KDELR3: variants seen among roughly 807,000 people sequenced by gnomAD.
The protein encoded by KDELR3 is KDEL endoplasmic reticulum protein retention receptor 3, also known as ER lumen protein-retaining receptor 3.
Under a neutral mutation model 22.7 loss-of-function variants are expected in KDELR3, and 26 were observed. That is an observed-to-expected ratio of 1.15 (90% CI 0.84 to 1.59). The LOEUF (loss-of-function observed/expected upper bound fraction) is 1.59, where lower values mean the gene tolerates loss of function less well. KDELR3 is among the 40% of genes most tolerant of loss of function. KDELR3 has a pLI of 0.00. For synonymous variants in KDELR3, 120 were observed against 98.2 expected, an observed-to-expected ratio of 1.22 and a Z score of -1.31; for missense variants, 289 against 251.1, an observed-to-expected ratio of 1.15 and a Z score of -1.02.
intron 4 of KDELR3, chr22:38,481,668 A>G (rs1003714539): frequency 7.1e-7 from 1 of 1,409,586 alleles, no homozygotes; most frequent in African/African-American, 1.4e-5. Flanking sequence ...GTACTATGCA[A>G]GACAGCTGTG....
intron 2 of KDELR3, among the ~76,000 whole-genome samples, chr22:38,477,396 G>A (rs1433242241): frequency 1.3e-5 from 2 of 150,636 alleles, no homozygotes; most frequent in Non-Finnish European, 2.9e-5. Flanking sequence ...GTAGAGACGG[G>A]GTTTCACTAT....
At chr22:38,472,000 T>C (rs1234973707) in intron 1 of KDELR3, among the ~76,000 whole-genome samples, 1 of 151,406 alleles carries the variant, frequency 6.6e-6, no homozygotes, top group Non-Finnish European at 1.5e-5. Context: ...CCACCCCAAA[T>C]GTCTGGAACC....
In KDELR3 at chr22:38,479,592, G is replaced by T. The variant is rs368527543; in HGVS notation, c.193-1G>T. 1.2e-6 allele frequency: 2 copies of T among 1,611,672 alleles called. No homozygotes were observed. The highest frequency in any genetic ancestry group is 2.2e-5 in the South Asian group (2 of 91,048). Reference sequence around the variant, plus strand: ...ATTCCCATGTCTCTCTCCCCTTTTAGGTGGTTTTTCTCCTCTGTGCCTATG... The same window carrying T: ...ATTCCCATGTCTCTCTCCCCTTTTATGTGGTTTTTCTCCTCTGTGCCTATG... On this transcript the variant is annotated splice_acceptor_variant, in intron 2 of 4. Transcript: ENST00000216014. LOFTEE classifies it high-confidence loss of function.
At chr22:38,474,476 C>G (rs1310759457) in intron 1 of KDELR3, 47 bp from the exon 2 acceptor site, 2 of 1,500,518 alleles carry the variant, frequency 1.3e-6, no homozygotes, top group Non-Finnish European at 1.9e-6. Flanking sequence ...GGTGGGCAGG[C>G]TTGGGAGTCT....
At chr22:38,481,172 T>C in intron 3 of KDELR3, 40 bp from the exon 4 acceptor site, 1 of 1,547,318 alleles carries the variant, frequency 6.5e-7, no homozygotes, top group Non-Finnish European at 8.8e-7. Flanking sequence ...GGCCTCTTCT[T>C]GGTCTTGCTC....
intron 1 of KDELR3, among the ~76,000 whole-genome samples, chr22:38,472,446 CA>C (rs771619700): frequency 2.6e-5 from 4 of 151,948 alleles, no homozygotes; most frequent in Non-Finnish European, 5.9e-5. Context: ...CACTGCACTC[CA>C]GCCTGGGTGA....
chr22:38,469,966 C>T (rs930101166), intron 1 of KDELR3, among the ~76,000 whole-genome samples: 24 of 151,740 alleles, frequency 1.6e-4, no homozygotes, highest in African/African-American at 4.8e-4. Context: ...ATTACAGGCA[C>T]GCACCACCAC....
intron 1 of KDELR3, 113 bp downstream of exon 1, chr22:38,468,437 G>A (rs1407653373): frequency 1.8e-5 from 15 of 814,548 alleles, no homozygotes; most frequent in Middle Eastern, 2.7e-4. Flanking sequence ...TCCGGCGTGG[G>A]GGTCCTTGAA....
chr22:38,481,767 T>C, intron 4 of KDELR3: 2 of 765,518 alleles, frequency 2.6e-6, no homozygotes, highest in Admixed American at 4.7e-5. Flanking sequence ...CTTGGTGTGA[T>C]GGACAAAAAG....
chr22:38,471,432 A>T (rs2089524201), intron 1 of KDELR3, among the ~76,000 whole-genome samples: 1 of 152,122 alleles, frequency 6.6e-6, no homozygotes. Context: ...AGTGGGGTTC[A>T]TTACCCACTG....
chr22:38,474,518 C>T lies in KDELR3; in HGVS notation c.92-5C>T. 1 of 1,612,500 alleles carries T rather than the reference C, an allele frequency of 6.2e-7. No individual in the cohort carries two copies. Among genetic ancestry groups the T allele is most frequent in the Non-Finnish European group, 8.5e-7 (1 of 1,178,846 alleles). On this transcript the variant is annotated splice_polypyrimidine_tract_variant and splice_region_variant and intron_variant, in intron 1 of 4. Coordinates refer to ENST00000216014, the MANE Select transcript of KDELR3 (RefSeq NM_006855.4). ...TCATTGTCTCCTGTCTACCCTTGGC[C>T]ACAGGCATCTCTGGGAAGAGCCAGA...
intron 2 of KDELR3, among the ~76,000 whole-genome samples, chr22:38,478,462 G>C (rs2089574583): frequency 6.8e-6 from 1 of 146,718 alleles, no homozygotes; most frequent in Non-Finnish European, 1.5e-5. Context: ...TTGAATCCAG[G>C]AGGCGGAGGT....
intron 2 of KDELR3, among the ~76,000 whole-genome samples, chr22:38,479,238 A>G (rs1041731938): frequency 2.0e-5 from 3 of 152,150 alleles, no homozygotes; most frequent in Non-Finnish European, 2.9e-5. Context: ...ACTGATGCAT[A>G]TCCAGGAAAT....
chr22:38,476,440 G>C (rs181501030), intron 2 of KDELR3, among the ~76,000 whole-genome samples: 77 of 152,076 alleles, frequency 5.1e-4, no homozygotes, highest in Non-Finnish European at 9.1e-4. Context: ...GGATGGTCTC[G>C]ATCTCCTGAC....
In KDELR3 at chr22:38,474,642, A is replaced by G. The variant is rs752915774; in HGVS notation, c.192+19A>G. ...AATGAAGGTGAGGGGCTGGGTGATGATGGTTGGGGGAAGCCACCAAGCCCC... is the reference window on the plus strand; with the variant it reads ...AATGAAGGTGAGGGGCTGGGTGATGGTGGTTGGGGGAAGCCACCAAGCCCC... On this transcript the variant is annotated intron_variant, in intron 2 of 4. Transcript: ENST00000216014. 5.6e-6 allele frequency: 9 copies of G among 1,595,244 alleles called. No individual in the cohort carries two copies. The Admixed American group carries it at 1.5e-4, about 27-fold the overall frequency.
intron 2 of KDELR3, among the ~76,000 whole-genome samples, chr22:38,478,629 A>ATGTTTTTTTTT (rs2089576748): frequency 6.9e-5 from 3 of 43,560 alleles, no homozygotes; most frequent in East Asian, 8.2e-4. Context: ...AGCATCTGTG[A>ATGTTTTTTTTT]TTTTTTTTTT....
At chr22:38,473,583 C>G (rs2089538295) in intron 1 of KDELR3, among the ~76,000 whole-genome samples, 1 of 152,160 alleles carries the variant, frequency 6.6e-6, no homozygotes. Flanking sequence ...AGGATGAACA[C>G]TAGGGGTTTG....
intron 1 of KDELR3, among the ~76,000 whole-genome samples, chr22:38,469,137 G>C (rs1407218171): frequency 2.0e-5 from 3 of 152,230 alleles, no homozygotes; most frequent in African/African-American, 7.2e-5. Flanking sequence ...GGAAGGAGCA[G>C]CTCCGTGCTG....
chr22:38,470,936 G>A (rs529128866), intron 1 of KDELR3, among the ~76,000 whole-genome samples: 1 of 152,270 alleles, frequency 6.6e-6, no homozygotes, highest in Admixed American at 6.5e-5. Context: ...ATGAGGTCAG[G>A]AGTTCAAGAC....
Sources: gnomAD v4.1 joint callset for allele counts (sites outside exome capture counted in the v4.1 genomes callset) on GRCh38, gnomAD v4.1.1 for gene constraint, MANE v1.5 for transcripts, NCBI Gene and HGNC (gene_info 2026-07-23, HGNC 2026-07-21) for gene names.